MTMR2: variants seen among roughly 807,000 people sequenced by gnomAD.
MTMR2 encodes phosphatidylinositol-3,5-bisphosphate 3-phosphatase MTMR2.
In MTMR2, 55 loss-of-function variants were observed where a neutral mutation model predicts 86.9. The observed-to-expected ratio is 0.63, with a 90% CI of 0.51 to 0.79. The LOEUF (loss-of-function observed/expected upper bound fraction) is 0.79. MTMR2 is among the 30% of genes least tolerant of loss of function. The pLI, the probability that MTMR2 is intolerant of heterozygous loss-of-function variation, is 0.00. For synonymous variants in MTMR2, 241 were observed against 266.8 expected (o/e 0.90, Z 0.94); for missense variants, 659 against 772.3 (o/e 0.85, Z 1.74).
chr11:95,889,922 G>GAATGC (rs1189402684), intron 1 of MTMR2, among the ~76,000 whole-genome samples: 1 of 152,056 alleles, frequency 6.6e-6, no homozygotes, highest in Admixed American at 6.5e-5. Flanking sequence ...CCTTATACCA[G>GAATGC]AATGCAAAAT....
chr11:95,845,987 A>C lies in MTMR2; in HGVS notation c.1180-828T>G, dbSNP rs191506095. ...GTATAGTTCTACATACGCAGATGAG[A>C]ATGAAAGAAAACAGATTATTAAGCT... On this transcript the variant is annotated intron_variant, in intron 10 of 14. Transcript: ENST00000346299. Among the ~76,000 whole-genome samples, 13 of 152,028 alleles carry C rather than the reference A, an allele frequency of 8.6e-5. No individual in the cohort carries two copies. In the East Asian group the frequency reaches 2.1e-3, roughly 25 times the overall value.
chr11:95,920,213 C>T (rs1866865202), intron 1 of MTMR2, among the ~76,000 whole-genome samples: 1 of 152,324 alleles, frequency 6.6e-6, no homozygotes, highest in African/African-American at 2.4e-5. Context: ...GATAGATATA[C>T]ATGAAGAATG....
At chr11:95,840,706 T>G (rs1863509142) in intron 12 of MTMR2, among the ~76,000 whole-genome samples, 1 of 152,182 alleles carries the variant, frequency 6.6e-6, no homozygotes, top group Non-Finnish European at 1.5e-5. Flanking sequence ...AATTGATGAT[T>G]ATTTCACCCC....
chr11:95,835,237 C>A lies in MTMR2; in HGVS notation c.*53G>T. On this transcript the variant is annotated 3_prime_UTR_variant, in exon 15 of 15. Coordinates refer to ENST00000346299, the MANE Select transcript of MTMR2 (RefSeq NM_016156.6). ...TTCCGAAGACTTTCTACTCATAGAG[C>A]TGCCAGTGTAATCAAGAGTGTATAG... 1 of 1,575,504 alleles carries A rather than the reference C, an allele frequency of 6.3e-7. No individual in the cohort carries two copies. The highest frequency in any genetic ancestry group is 1.1e-5 in the South Asian group (1 of 90,038).
intron 1 of MTMR2, among the ~76,000 whole-genome samples, chr11:95,916,378 T>C (rs1035388548): frequency 6.6e-6 from 1 of 152,008 alleles, no homozygotes; most frequent in African/African-American, 2.4e-5. Context: ...AAAAATGACA[T>C]GTGACTGCCA....
At chr11:95,878,723 C>T (rs577535549) in intron 2 of MTMR2, among the ~76,000 whole-genome samples, 6 of 152,218 alleles carry the variant, frequency 3.9e-5, no homozygotes, top group African/African-American at 9.6e-5. Context: ...TCCATAAGGA[C>T]GAGCCCCACA....
At chr11:95,889,726 T>A (rs887774547) in intron 1 of MTMR2, among the ~76,000 whole-genome samples, 1 of 152,176 alleles carries the variant, frequency 6.6e-6, no homozygotes, top group Non-Finnish European at 1.5e-5. Context: ...ATTATGTTTG[T>A]TAAATTTAAA....
At chr11:95,906,686 T>C (rs543471175) in intron 1 of MTMR2, among the ~76,000 whole-genome samples, 64 of 151,534 alleles carry the variant, frequency 4.2e-4, no homozygotes, top group African/African-American at 1.5e-3. Context: ...ATATCAACCA[T>C]ACTCTTGGAT....
Position 95,905,331 on chromosome 11 carries a change from G to GCGCGCGTGCGCGCA in MTMR2, c.81-17071_81-17070insTGCGCGCACGCGCG, listed in dbSNP as rs928252045. On this transcript the variant is annotated intron_variant, in intron 1 of 14. Transcript: ENST00000346299. ...CTTACACACACACGCACGCACCTGC[G>GCGCGCGTGCGCGCA]CACACACACACACACACACACACAC... Among the ~76,000 whole-genome samples the GCGCGCGTGCGCGCA allele has an allele frequency of 2.0e-4, 30 of 147,992 alleles. 1 individual carries two copies. Among genetic ancestry groups the GCGCGCGTGCGCGCA allele is most frequent in the African/African-American group, 6.7e-4 (27 of 40,018 alleles).
intron 1 of MTMR2, among the ~76,000 whole-genome samples, chr11:95,894,059 T>G (rs1351096283): frequency 1.3e-5 from 2 of 152,162 alleles, no homozygotes; most frequent in African/African-American, 4.8e-5. Context: ...AGCTGTAGTT[T>G]TTACTCATCT....
Position 95,844,964 on chromosome 11 carries a change from G to C in MTMR2, c.1375C>G (p.Arg459Gly). The part of the protein sequence containing the change: ...VEKEWLSFGH[R>G]FQLRVGHGDK... ...GGTTCCTTACTTACTAGTTGAAATC[G>C]ATGTCCAAAACTTAGCCATTCTTTC... is the stretch of plus-strand genomic sequence containing the variant. Residue 459 changes from arginine (R) to glycine (G), a missense_variant, in exon 11 of 15, where the codon CGA (arginine) becomes GGA (glycine). Transcript: ENST00000346299. 1 of 1,612,568 alleles carries C rather than the reference G, an allele frequency of 6.2e-7. No homozygotes were observed. The highest frequency in any genetic ancestry group is 8.5e-7 in the Non-Finnish European group (1 of 1,178,790).
Position 95,834,202 on chromosome 11 carries a change from T to G in MTMR2, c.*1088A>C, listed in dbSNP as rs1863151451. ...ATGTAGAATAAAATAGACATCAGAG[T>G]CAAATGTTTCTACCAGCACCAAACT... is the stretch of plus-strand genomic sequence containing the variant. On this transcript the variant is annotated 3_prime_UTR_variant, in exon 15 of 15. Transcript: ENST00000346299. 1 of 152,390 alleles carries G rather than the reference T, an allele frequency of 6.6e-6. No homozygotes were observed. Among genetic ancestry groups the G allele is most frequent in the Admixed American group, 6.6e-5 (1 of 15,222 alleles). 9.4% of individuals were successfully genotyped at this position (152,390 alleles called of 1,614,324 possible). A position where few individuals can be genotyped will look rare whatever the true frequency, so the allele number is the denominator to read the frequency against.
intron 1 of MTMR2, among the ~76,000 whole-genome samples, chr11:95,907,687 C>T (rs552042001): frequency 1.1e-4 from 16 of 152,228 alleles, no homozygotes; most frequent in Middle Eastern, 3.4e-3. Flanking sequence ...GCTTTCTCCC[C>T]GGGATGCAAG....
chr11:95,845,188 T>C, intron 10 of MTMR2, 29 bp from the exon 11 acceptor site: 2 of 1,587,244 alleles, frequency 1.3e-6, no homozygotes, highest in Non-Finnish European at 1.7e-6. Flanking sequence ...AATACATTGT[T>C]TTTAAACAAG....
intron 1 of MTMR2, chr11:95,923,566 TAAA>T: frequency 1.2e-6 from 1 of 862,726 alleles, no homozygotes. Context: ...GGAACTGTCT[TAAA>T]AAAGGTTTGA....
At position 95,847,756 on chromosome 11, in the gene MTMR2, C is replaced by T. The variant is rs1278655952; in HGVS notation, c.1137G>A (p.Trp379Ter). The T allele has an allele frequency of 1.9e-6, 3 of 1,613,588 alleles. No individual in the cohort carries two copies. The highest frequency in any genetic ancestry group is 2.5e-6 in the Non-Finnish European group (3 of 1,179,556). Residue 379 changes from tryptophan to a stop codon, truncating the protein, a stop_gained, in exon 10 of 15, where the codon TGG (tryptophan) becomes TGA (stop). Coordinates refer to ENST00000346299, the MANE Select transcript of MTMR2 (RefSeq NM_016156.6). LOFTEE classifies it high-confidence loss of function. The stretch of plus-strand genomic sequence containing the variant: ...AATGAGTAGATTCCAAGTTAGACAA[C>T]CAGTGGGTTTCCTCAATGTTGGGGT... ...IVYPNIEETH[W>*]LSNLESTHWL...
chr11:95,917,618 C>T (rs892486004), intron 1 of MTMR2, among the ~76,000 whole-genome samples: 2 of 152,086 alleles, frequency 1.3e-5, no homozygotes, highest in African/African-American at 4.8e-5. Context: ...TTACGGATAA[C>T]ATAAACAGCC....
chr11:95,891,520 AAG>A (rs1865713427), intron 1 of MTMR2, among the ~76,000 whole-genome samples: 1 of 152,136 alleles, frequency 6.6e-6, no homozygotes, highest in African/African-American at 2.4e-5. Context: ...AAATAAATCT[AAG>A]AGAGAGAAAA....
At position 95,873,981 on chromosome 11, in the gene MTMR2, G is replaced by T. The variant is rs544318015; in HGVS notation, c.187-8305C>A. Among the ~76,000 whole-genome samples, 578 of 151,952 alleles carry T rather than the reference G, an allele frequency of 3.8e-3. 1 individual carries two copies. Among genetic ancestry groups the T allele is most frequent in the Middle Eastern group, 6.8e-3 (2 of 294 alleles). The stretch of plus-strand genomic sequence containing the variant: ...GAGACAGTTTGTTATAATTTCTCTT[G>T]TTTTACATTTGCTGAGGAGTGCTTT... On this transcript the variant is annotated intron_variant, in intron 2 of 14. Coordinates refer to ENST00000346299, the MANE Select transcript of MTMR2 (RefSeq NM_016156.6).
Sources: gnomAD v4.1 joint callset for allele counts (sites outside exome capture counted in the v4.1 genomes callset) on GRCh38, gnomAD v4.1.1 for gene constraint, MANE v1.5 for transcripts, NCBI Gene and HGNC (gene_info 2026-07-23, HGNC 2026-07-21) for gene names.